SMURF2: variants seen among roughly 807,000 people sequenced by gnomAD.
The protein encoded by SMURF2 is SMAD specific E3 ubiquitin protein ligase 2.
A neutral mutation model predicts 109.6 loss-of-function variants in SMURF2; 48 were observed. The observed-to-expected ratio is 0.44, with a 90% CI of 0.35 to 0.56. SMURF2 has a LOEUF of 0.56. SMURF2 is among the 20% of genes least tolerant of loss of function. The pLI is 0.01. For synonymous variants in SMURF2, 288 were observed against 317.1 expected (o/e 0.91, Z 0.97); for missense variants, 575 against 909.0 (o/e 0.63, Z 4.72).
intron 6 of SMURF2, among the ~76,000 whole-genome samples, chr17:64,584,334 AT>A (rs1274136326): frequency 4.7e-5 from 7 of 148,722 alleles, no homozygotes; most frequent in African/African-American, 1.7e-4. Context: ...AAAAAAAAAA[AT>A]CGAAACAGCT....
chr17:64,602,593 C>T (rs1201226872), intron 2 of SMURF2, among the ~76,000 whole-genome samples: 1 of 152,172 alleles, frequency 6.6e-6, no homozygotes, highest in Non-Finnish European at 1.5e-5. Flanking sequence ...AGTGAGACAT[C>T]TAGTGGTAAA....
chr17:64,657,770 C>T (rs1970724135), intron 1 of SMURF2, among the ~76,000 whole-genome samples: 1 of 150,796 alleles, frequency 6.6e-6, no homozygotes, highest in Non-Finnish European at 1.5e-5. Context: ...CATGACCCTT[C>T]ATTTATCTTT....
intron 1 of SMURF2, among the ~76,000 whole-genome samples, chr17:64,615,728 T>C (rs1970111884): frequency 1.3e-5 from 2 of 152,202 alleles, no homozygotes; most frequent in South Asian, 4.1e-4. Flanking sequence ...TAATTCTATA[T>C]GCATAAAAAT....
At chr17:64,648,461 C>T (rs1219102160) in intron 1 of SMURF2, among the ~76,000 whole-genome samples, 6 of 152,146 alleles carry the variant, frequency 3.9e-5, no homozygotes, top group Admixed American at 6.5e-5. Context: ...CCTGAGATCA[C>T]GAAAGCCTGT....
At chr17:64,608,047 C>A (rs1289106569) in intron 1 of SMURF2, among the ~76,000 whole-genome samples, 2 of 127,698 alleles carry the variant, frequency 1.6e-5, no homozygotes, top group Non-Finnish European at 3.5e-5. Context: ...ATAAATAAAT[C>A]TGCTTATAGA....
At chr17:64,558,520 G>C in intron 12 of SMURF2, among the ~76,000 whole-genome samples, 1 of 152,050 alleles carries the variant, frequency 6.6e-6, no homozygotes, top group South Asian at 2.1e-4. Flanking sequence ...ATATTTTGTT[G>C]TAGTATTAAG....
rs183626505 is a variant in SMURF2 at position 64,593,470 on chromosome 17, T to C, written c.304A>G (p.Asn102Asp). ...GTGTCTTTGAGGCGGTTGATGGCAT[T>C]GGAAAGAAGACGAACACAACCGAGA... Reference protein sequence around the residue: ...GFLGCVRLLSNAINRLKDTGY... With the variant: ...GFLGCVRLLSDAINRLKDTGY... Residue 102 changes from asparagine (N) to aspartate (D), a missense_variant, in exon 4 of 19, where the codon AAT becomes GAT. Around this residue, in one of 5 missense-constraint regions of SMURF2, gnomAD observed 151 missense variants for 178.4 expected, o/e 0.85. Transcript: ENST00000262435. The C allele has an allele frequency of 6.2e-7, 1 of 1,610,422 alleles. No individual in the cohort carries two copies. Among genetic ancestry groups the C allele is most frequent in the Non-Finnish European group, 8.5e-7 (1 of 1,178,782 alleles).
At chr17:64,553,234 C>T (rs921227046) in intron 15 of SMURF2, among the ~76,000 whole-genome samples, 3 of 152,046 alleles carry the variant, frequency 2.0e-5, no homozygotes, top group South Asian at 2.1e-4. Context: ...CAGCCAGGCA[C>T]GGTGGCTTAC....
intron 1 of SMURF2, among the ~76,000 whole-genome samples, chr17:64,660,392 A>G (rs7225784): frequency 0.22 from 33,571 of 151,490 alleles, 7,342 homozygotes; most frequent in African/African-American, 0.57. Flanking sequence ...ACACTGAATG[A>G]GGGGGGAGGG....
intron 1 of SMURF2, among the ~76,000 whole-genome samples, chr17:64,648,313 T>C (rs970115891): frequency 9.2e-5 from 14 of 152,140 alleles, no homozygotes; most frequent in African/African-American, 3.4e-4. Flanking sequence ...GTTCTATCCA[T>C]CAAGTCAAAT....
In SMURF2 at chr17:64,547,820, G is replaced by A; in HGVS notation, c.1870-19C>T. On this transcript the variant is annotated intron_variant, in intron 16 of 18. Coordinates refer to ENST00000262435, the MANE Select transcript of SMURF2 (RefSeq NM_022739.4). This position sits in a 1 kb window ranked among gnomAD's most constrained non-coding sequence, Gnocchi z 4.2. ...TAATGAGCTGTGAAAATAGTACACA[G>A]TAATGAACCTGTGGAAACCACAGCC... 1.9e-6 allele frequency: 3 copies of A among 1,611,866 alleles called. No individual in the cohort carries two copies. Among genetic ancestry groups the A allele is most frequent in the Non-Finnish European group, 2.5e-6 (3 of 1,177,982 alleles).
chr17:64,576,447 T>C (rs1969492001), intron 9 of SMURF2, among the ~76,000 whole-genome samples: 1 of 151,946 alleles, frequency 6.6e-6, no homozygotes, highest in Admixed American at 6.6e-5. Context: ...GCAAATCACC[T>C]GAGGTCAGGT....
At chr17:64,594,670 T>C (rs1347592480) in intron 3 of SMURF2, among the ~76,000 whole-genome samples, 1 of 152,166 alleles carries the variant, frequency 6.6e-6, no homozygotes, top group Non-Finnish European at 1.5e-5. Flanking sequence ...GTAGCTGAAT[T>C]ACCCAAGCTG....
At chr17:64,556,043 A>G (rs1555684014) in intron 13 of SMURF2, 45 bp from the exon 14 acceptor site, 1 of 1,386,162 alleles carries the variant, frequency 7.2e-7, no homozygotes, top group African/African-American at 1.5e-5. Flanking sequence ...ACTACCCAGG[A>G]AAATTTTAAT....
At chr17:64,577,124 C>T (rs782219906) in intron 9 of SMURF2, among the ~76,000 whole-genome samples, 82 of 152,074 alleles carry the variant, frequency 5.4e-4, no homozygotes, top group Non-Finnish European at 8.4e-4. Context: ...ATGTTTATTA[C>T]GGCACTATTC....
chr17:64,566,343 A>C (rs1392011879), intron 10 of SMURF2, among the ~76,000 whole-genome samples: 2 of 151,868 alleles, frequency 1.3e-5, no homozygotes, highest in African/African-American at 4.8e-5. Context: ...ATAAAAACTA[A>C]TTTATCACTT....
In SMURF2 at chr17:64,571,875, A is replaced by G. The variant is rs782067321; in HGVS notation, c.939T>C (p.Val313=). The change falls in exon 10 of 19, where the codon GTT becomes GTC. Residue 313 remains valine, a synonymous_variant. Coordinates refer to ENST00000262435, the MANE Select transcript of SMURF2 (RefSeq NM_022739.4). ...WEIRNTATGR[V]YFVDHNNRTT... is the part of the protein sequence containing the mutation. ...TTCTGTTGTTATGGTCAACGAAATAAACTCTGCCTGTTGCCGTATTACGGA... is the reference window on the plus strand; with the variant it reads ...TTCTGTTGTTATGGTCAACGAAATAGACTCTGCCTGTTGCCGTATTACGGA... 1.9e-6 allele frequency: 3 copies of G among 1,613,834 alleles called. No homozygotes were observed. In the African/African-American group the frequency reaches 4.0e-5, roughly 22 times the overall value.
chr17:64,582,242 G>C (rs1969587970), intron 7 of SMURF2, among the ~76,000 whole-genome samples: 1 of 152,174 alleles, frequency 6.6e-6, no homozygotes, highest in Non-Finnish European at 1.5e-5. Context: ...GATCCAATGA[G>C]TTAAGCAATT....
intron 2 of SMURF2, among the ~76,000 whole-genome samples, chr17:64,605,773 A>C (rs868912149): frequency 1.6e-4 from 22 of 138,538 alleles, no homozygotes; most frequent in African/African-American, 4.8e-4. Flanking sequence ...ATATATATAT[A>C]TATCTTATTT....
Sources: allele counts gnomAD v4.1 joint callset (sites outside exome capture counted in the v4.1 genomes callset), GRCh38; gene constraint gnomAD v4.1.1; regional missense constraint gnomAD v4.1.1; non-coding constraint Gnocchi (gnomAD v3.1); transcripts MANE v1.5; gene names NCBI Gene and HGNC (gene_info 2026-07-23, HGNC 2026-07-21).